The following NGEF variants were observed in gnomAD, a reference collection of about 807,000 sequenced individuals.
The protein encoded by NGEF is ephexin-1.
NGEF carries 31 observed loss-of-function variants against 80.9 expected under a neutral mutation model. The observed-to-expected ratio is 0.38, with a 90% CI of 0.29 to 0.52. The LOEUF (loss-of-function observed/expected upper bound fraction) is 0.52. Ranked by LOEUF, NGEF falls within the 20% of genes least tolerant of loss-of-function variation. NGEF has a pLI of 0.84. For synonymous variants in NGEF, 371 were observed against 370.2 expected, an observed-to-expected ratio of 1.00 and a Z score of -0.03; for missense variants, 709 against 926.2, an observed-to-expected ratio of 0.77 and a Z score of 3.04.
At chr2:232,898,560 ATATGGC>A (rs1692169484) in intron 5 of NGEF, among the ~76,000 whole-genome samples, 1 of 152,204 alleles carries the variant, frequency 6.6e-6, no homozygotes, top group Non-Finnish European at 1.5e-5. Flanking sequence ...TGTCATGTCG[ATATGGC>A]TATCTTTTCC....
At chr2:232,899,048 ATGTGTGGATGTG>A (rs1297463362) in intron 5 of NGEF, among the ~76,000 whole-genome samples, 1 of 137,610 alleles carries the variant, frequency 7.3e-6, no homozygotes, top group East Asian at 2.8e-4. Context: ...GTGGGTGTGG[ATGTGTGGATGTG>A]TGTGTAAATG....
At chr2:232,971,475 A>G (rs1338582854) in intron 2 of NGEF, among the ~76,000 whole-genome samples, 1 of 152,196 alleles carries the variant, frequency 6.6e-6, no homozygotes, top group East Asian at 1.9e-4. Flanking sequence ...ACTTGAGGTC[A>G]GGAGTTCGAA....
At chr2:232,990,455 T>C (rs1387524650) in intron 1 of NGEF, among the ~76,000 whole-genome samples, 1 of 152,104 alleles carries the variant, frequency 6.6e-6, no homozygotes, top group Non-Finnish European at 1.5e-5. Context: ...TACAAGTTAA[T>C]ATTTATAGTT....
chr2:232,941,611 CATAA>C (rs1176564787), intron 3 of NGEF, among the ~76,000 whole-genome samples: 1 of 151,688 alleles, frequency 6.6e-6, no homozygotes, highest in Non-Finnish European at 1.5e-5. Context: ...TTTTTTCTAC[CATAA>C]ATGTGTCACT....
intron 1 of NGEF, among the ~76,000 whole-genome samples, chr2:232,995,323 T>C (rs1206914664): frequency 3.0e-5 from 1 of 33,622 alleles, no homozygotes; most frequent in Non-Finnish European, 4.8e-5. Context: ...ACTGTATATG[T>C]GTACAGTATG....
Position 232,893,072 on chromosome 2 carries a change from G to A in NGEF, c.990-22C>T, listed in dbSNP as rs763926720. 21 of 1,605,086 alleles carry A rather than the reference G, an allele frequency of 1.3e-5. No homozygotes were observed. In the Middle Eastern group the frequency reaches 5.0e-4, roughly 38 times the overall value. On this transcript the variant is annotated intron_variant, in intron 6 of 14. Coordinates refer to ENST00000264051, the MANE Select transcript of NGEF (RefSeq NM_019850.3). The stretch of plus-strand genomic sequence containing the variant: ...GAACCTACGAGAGGCAGCGGCTTGA[G>A]GCGGAGGGTGCCCGGGGGGTAGGGT...
intron 1 of NGEF, among the ~76,000 whole-genome samples, chr2:232,992,294 A>C (rs1694667027): frequency 6.6e-6 from 1 of 152,104 alleles, no homozygotes; most frequent in Non-Finnish European, 1.5e-5. Flanking sequence ...GTGGTAGCTC[A>C]TGCCTGTAAT....
rs60179308 is a variant in NGEF, at chr2:232,938,741, GAAAAA to G, written c.384-11560_384-11556del. Reference sequence around the variant, plus strand: ...GCAACATAGTGAGACCCTGTCTTAAGAAAAAAAAAAAAAAAAAGGAAATAAATACA... The same window carrying G: ...GCAACATAGTGAGACCCTGTCTTAAGAAAAAAAAAAAAGGAAATAAATACA... On this transcript the variant is annotated intron_variant, in intron 3 of 14. Transcript: ENST00000264051. Among the ~76,000 whole-genome samples, 634 of 121,170 alleles carry G rather than the reference GAAAAA, an allele frequency of 5.2e-3. 3 individuals are homozygous for G. The highest frequency in any genetic ancestry group is 0.019 in the African/African-American group (602 of 31,420). The allele number at this position is 121,170 out of a possible 152,430, so 79.5% of individuals were successfully genotyped here.
intron 1 of NGEF, among the ~76,000 whole-genome samples, chr2:232,985,598 A>G (rs922293967): frequency 3.3e-5 from 5 of 152,022 alleles, no homozygotes; most frequent in African/African-American, 1.2e-4. Flanking sequence ...TAAAAATACA[A>G]AAAAATTAGC....
At chr2:232,927,914 G>T (rs1693114320) in intron 3 of NGEF, 1 of 1,325,714 alleles carries the variant, frequency 7.5e-7, no homozygotes, top group Admixed American at 3.4e-5. Context: ...GTGTCCCGCC[G>T]CCGAGTCGCG....
At chr2:232,925,917 G>A (rs528504903) in intron 4 of NGEF, among the ~76,000 whole-genome samples, 1 of 152,260 alleles carries the variant, frequency 6.6e-6, no homozygotes, top group Non-Finnish European at 1.5e-5. Context: ...GGGCCCACTG[G>A]GAACAAAATT....
chr2:232,925,698 T>G (rs1693048733), intron 4 of NGEF, among the ~76,000 whole-genome samples: 1 of 152,172 alleles, frequency 6.6e-6, no homozygotes, highest in South Asian at 2.1e-4. Flanking sequence ...GAGGAGCCCT[T>G]TCAAGAGGGT....
chr2:232,897,498 G>T (rs1403853559), intron 5 of NGEF, among the ~76,000 whole-genome samples: 1 of 152,098 alleles, frequency 6.6e-6, no homozygotes, highest in Non-Finnish European at 1.5e-5. Context: ...GGGTTTGCTG[G>T]GCATTTGATG....
chr2:232,986,171 C>T (rs6704602), intron 1 of NGEF, among the ~76,000 whole-genome samples: 15,173 of 152,194 alleles, frequency 0.1, 2,529 homozygotes, highest in African/African-American at 0.35. Flanking sequence ...CATCTCACAC[C>T]TGTCAGCATG....
intron 3 of NGEF, among the ~76,000 whole-genome samples, chr2:232,941,915 A>G (rs908736959): frequency 1.3e-5 from 2 of 152,352 alleles, no homozygotes; most frequent in African/African-American, 4.8e-5. Flanking sequence ...TGATATTCTA[A>G]TCTTCCTGGT....
intron 6 of NGEF, 31 bp from the exon 7 acceptor site, chr2:232,893,081 T>C: frequency 6.3e-7 from 1 of 1,599,682 alleles, no homozygotes; most frequent in Non-Finnish European, 8.5e-7. Context: ...AGGCGGAGGG[T>C]GCCCGGGGGG....
At chr2:232,955,019 A>C (rs986544342) in intron 3 of NGEF, among the ~76,000 whole-genome samples, 3 of 152,130 alleles carry the variant, frequency 2.0e-5, no homozygotes, top group Non-Finnish European at 4.4e-5. Flanking sequence ...ACGCCTATTC[A>C]TATTCTAACT....
In NGEF at chr2:232,901,508, T is replaced by C. The variant is rs1575004173; in HGVS notation, c.829-6592A>G. On this transcript the variant is annotated intron_variant, in intron 5 of 14. Transcript: ENST00000264051. The stretch of plus-strand genomic sequence containing the variant: ...GATGCTGTGACCTTCGATGCGTTGT[T>C]GCAGCTGCGTCACCAGGGTGACATC... The C allele has an allele frequency of 5.5e-6, 5 of 906,236 alleles. No individual in the cohort carries two copies. In the African/African-American group the frequency reaches 7.2e-5, roughly 13 times the overall value. The allele number at this position is 906,236 out of a possible 1,614,324, so 56.1% of individuals were successfully genotyped here.
intron 1 of NGEF, among the ~76,000 whole-genome samples, chr2:233,010,032 C>T (rs1011276642): frequency 2.0e-5 from 3 of 152,096 alleles, no homozygotes; most frequent in Admixed American, 6.5e-5. Context: ...TGAGTAGCTG[C>T]GATTACAGGG....
Sources: gnomAD v4.1 joint callset for allele counts (sites outside exome capture counted in the v4.1 genomes callset) on GRCh38, gnomAD v4.1.1 for gene constraint, MANE v1.5 for transcripts, NCBI Gene and HGNC (gene_info 2026-07-23, HGNC 2026-07-21) for gene names.